Variants in ADAMTS17 observed in about 807,000 individuals in gnomAD.
The protein encoded by ADAMTS17 is ADAM metallopeptidase with thrombospondin type 1 motif 17, also known as A disintegrin and metalloproteinase with thrombospondin motifs 17.
Under a neutral mutation model 141.5 loss-of-function variants are expected in ADAMTS17, and 113 were observed. The ratio of observed to expected loss-of-function variants is 0.80; its 90% CI spans 0.69 to 0.93. The LOEUF is 0.93. Among genes scored for constraint, ADAMTS17 ranks in the 40% least tolerant of loss-of-function variants. ADAMTS17 has a pLI of 0.00. For synonymous variants in ADAMTS17, 768 were observed against 630.6 expected, an observed-to-expected ratio of 1.22 and a Z score of -3.27; for missense variants, 1,659 against 1,517.9, an observed-to-expected ratio of 1.09 and a Z score of -1.54.
chr15:100,338,862 G>A, intron 2 of ADAMTS17: 1 of 721,464 alleles, frequency 1.4e-6, no homozygotes, highest in South Asian at 6.2e-5. Flanking sequence ...CAAAGTCAAA[G>A]CTAGTCTGCA....
intron 18 of ADAMTS17, among the ~76,000 whole-genome samples, chr15:100,004,619 T>A (rs1229299722): frequency 4.1e-5 from 1 of 24,528 alleles, no homozygotes; most frequent in African/African-American, 2.6e-4. Flanking sequence ...CTGTAATTCT[T>A]TTTTTTTTTT....
intron 18 of ADAMTS17, among the ~76,000 whole-genome samples, chr15:100,031,978 C>A (rs149017334): frequency 6.6e-6 from 1 of 152,204 alleles, no homozygotes; most frequent in African/African-American, 2.4e-5. Flanking sequence ...CAGAGTCACA[C>A]AGACCATACA....
intron 10 of ADAMTS17, among the ~76,000 whole-genome samples, chr15:100,134,392 T>A (rs2038218270): frequency 6.6e-6 from 1 of 152,156 alleles, no homozygotes; most frequent in South Asian, 2.1e-4. Flanking sequence ...TACTTAAAGA[T>A]CTTGTGAAGA....
At chr15:100,158,014 G>A (rs914310738) in intron 8 of ADAMTS17, among the ~76,000 whole-genome samples, 5 of 151,654 alleles carry the variant, frequency 3.3e-5, no homozygotes, top group East Asian at 1.9e-4. Flanking sequence ...TCAGCCTCCC[G>A]AATAGCTGGG....
chr15:100,063,604 G>A, intron 15 of ADAMTS17: 1 of 1,245,174 alleles, frequency 8.0e-7, no homozygotes, highest in Non-Finnish European at 1.1e-6. Flanking sequence ...GAATGACACT[G>A]AACCAATTTA....
At chr15:100,076,804 A>T (rs76399633) in intron 15 of ADAMTS17, among the ~76,000 whole-genome samples, 1 of 152,198 alleles carries the variant, frequency 6.6e-6, no homozygotes, top group African/African-American at 2.4e-5. Context: ...ATAGCATAGT[A>T]TTTTCATATT....
chr15:100,248,019 G>A (rs575050665), intron 7 of ADAMTS17, among the ~76,000 whole-genome samples: 11 of 152,128 alleles, frequency 7.2e-5, no homozygotes, highest in Admixed American at 7.2e-4. Flanking sequence ...CAAGGAGGGG[G>A]TCCTTCTCCC....
At position 100,048,745 on chromosome 15, in the gene ADAMTS17, G is replaced by A. The variant is rs539457434; in HGVS notation, c.2591+112C>T. 3.8e-5 allele frequency: 57 copies of A among 1,498,872 alleles called. 2 individuals are homozygous for A. The South Asian group carries it at 4.2e-4, about 11-fold the overall frequency. The allele number at this position is 1,498,872 out of a possible 1,614,324, so 92.8% of individuals were successfully genotyped here. On this transcript the variant is annotated intron_variant, in intron 18 of 21. Coordinates refer to ENST00000268070, the MANE Select transcript of ADAMTS17 (RefSeq NM_139057.4). ...GCGGAAATCTCTCATCAACAATAAC[G>A]GAACACAGCATAGAGCAGTACTGTG...
At position 99,997,565 on chromosome 15, in the gene ADAMTS17, G is replaced by C. The variant is rs2060829279; in HGVS notation, c.2616C>G (p.Pro872=). 1.9e-6 allele frequency: 3 copies of C among 1,613,328 alleles called. No individual in the cohort carries two copies. Among genetic ancestry groups the C allele is most frequent in the Non-Finnish European group, 2.5e-6 (3 of 1,180,004 alleles). ...QSRWVAGPWS[P]CSATCEKGFQ... is the part of the protein sequence containing the mutation. The stretch of plus-strand genomic sequence containing the variant: ...AGCCTTTCTCACAGGTCGCCGAGCA[G>C]GGGCTCCACGGGCCTGCCACCCACC... Residue 872 remains proline (P), a synonymous_variant, in exon 19 of 22, where the codon CCC becomes CCG. Transcript: ENST00000268070. This position sits in a 1 kb window ranked among gnomAD's most constrained non-coding sequence, Gnocchi z 4.7.
chr15:100,105,922 C>T (rs1202723172), intron 14 of ADAMTS17, among the ~76,000 whole-genome samples: 2 of 152,268 alleles, frequency 1.3e-5, no homozygotes, highest in East Asian at 3.9e-4. Flanking sequence ...AACTCCTGAC[C>T]TCCAGTGATC....
chr15:100,088,764 T>A (rs2035266489), intron 15 of ADAMTS17, among the ~76,000 whole-genome samples: 1 of 152,140 alleles, frequency 6.6e-6, no homozygotes, highest in Non-Finnish European at 1.5e-5. Flanking sequence ...TAATTAATGG[T>A]GCTGGAAAAA....
intron 18 of ADAMTS17, among the ~76,000 whole-genome samples, chr15:100,023,760 G>A (rs2727112): frequency 0.11 from 16,381 of 152,142 alleles, 2,335 homozygotes; most frequent in African/African-American, 0.33. Context: ...GGTTCTCTAT[G>A]AAGAAAACTG....
Position 100,243,802 on chromosome 15 carries a change from A to G in ADAMTS17, c.1075+10334T>C, listed in dbSNP as rs1332884136. Among the ~76,000 whole-genome samples the G allele has an allele frequency of 1.0e-4, 9 of 85,770 alleles. No individual in the cohort carries two copies. In the East Asian group the frequency reaches 1.7e-3, roughly 16 times the overall value. The allele number at this position is 85,770 out of a possible 152,430, so 56.3% of individuals were successfully genotyped here. The stretch of plus-strand genomic sequence containing the variant: ...AAGACTCCATCTTAAAAAAAAAAAA[A>G]AGAAAGAAAAGAAAAAGAAATGAAA... On this transcript the variant is annotated intron_variant, in intron 7 of 21. Coordinates refer to ENST00000268070, the MANE Select transcript of ADAMTS17 (RefSeq NM_139057.4).
intron 10 of ADAMTS17, among the ~76,000 whole-genome samples, chr15:100,142,448 A>C (rs139619481): frequency 6.6e-6 from 1 of 152,324 alleles, no homozygotes; most frequent in East Asian, 1.9e-4. Context: ...GATCTCAGCT[A>C]AACAGTGTTT....
intron 7 of ADAMTS17, among the ~76,000 whole-genome samples, chr15:100,236,283 TAAA>T (rs34689590): frequency 2.3e-5 from 3 of 128,480 alleles, no homozygotes; most frequent in East Asian, 2.3e-4. Flanking sequence ...CCCACGACAT[TAAA>T]AAAAAAAAAA....
rs202134606 is a variant in ADAMTS17, at chr15:100,303,629, TAATTC to T, written c.617-22233_617-22229del. On this transcript the variant is annotated intron_variant, in intron 3 of 21. Coordinates refer to ENST00000268070, the MANE Select transcript of ADAMTS17 (RefSeq NM_139057.4). The stretch of plus-strand genomic sequence containing the variant: ...AGGTCTTTGATCTCCCCTTAATTCT[TAATTC>T]TATTCCATATGTGATTATATTTGTA... 7.4e-3 allele frequency among the ~76,000 whole-genome samples: 1,127 copies of T among 152,304 alleles called. 17 individuals are homozygous for T. Among genetic ancestry groups the T allele is most frequent in the African/African-American group, 0.026 (1,067 of 41,564 alleles).
intron 8 of ADAMTS17, among the ~76,000 whole-genome samples, chr15:100,164,836 G>A (rs559257448): frequency 6.6e-6 from 1 of 152,212 alleles, no homozygotes. Context: ...TTAAGTCTTA[G>A]AGGCCCACTG....
intron 7 of ADAMTS17, among the ~76,000 whole-genome samples, chr15:100,251,316 A>G (rs1419173242): frequency 6.6e-6 from 1 of 152,216 alleles, no homozygotes; most frequent in Non-Finnish European, 1.5e-5. Flanking sequence ...CCCTAGTAAC[A>G]TGTGACAAAG....
intron 10 of ADAMTS17, among the ~76,000 whole-genome samples, chr15:100,151,709 G>A (rs542637482): frequency 4.7e-4 from 71 of 152,214 alleles, no homozygotes; most frequent in East Asian, 1.9e-3. Context: ...CCCTAGCCCC[G>A]TCACTGCCAG....
Sources: gnomAD v4.1 joint callset for allele counts (sites outside exome capture counted in the v4.1 genomes callset) on GRCh38, gnomAD v4.1.1 for gene constraint, Gnocchi (gnomAD v3.1) non-coding constraint, MANE v1.5 for transcripts, NCBI Gene and HGNC (gene_info 2026-07-23, HGNC 2026-07-21) for gene names.